Variants in SPMIP2 observed in about 807,000 individuals in gnomAD.
SPMIP2 encodes the protein protein SPMIP2.
At chr4:158,915,075 G>A in the SPMIP2 span, 2 of 1,077,626 alleles carry the variant, frequency 1.9e-6, no homozygotes, top group Non-Finnish European at 2.6e-6. Flanking sequence ...CTACAAAACT[G>A]ATTATTAGTA....
the SPMIP2 span, among the ~76,000 whole-genome samples, chr4:158,930,205 C>CTG: frequency 1.0e-5 from 1 of 96,956 alleles, no homozygotes; most frequent in Non-Finnish European, 2.0e-5. Context: ...CTCTCTCTCT[C>CTG]TCTCTCTCTC....
At chr4:158,953,970 C>T in the SPMIP2 span, among the ~76,000 whole-genome samples, 1 of 152,204 alleles carries the variant, frequency 6.6e-6, no homozygotes, top group Non-Finnish European at 1.5e-5. Context: ...TTTACAGGCT[C>T]ATAGGCAGAA....
the SPMIP2 span, among the ~76,000 whole-genome samples, chr4:159,034,833 G>T: frequency 6.6e-6 from 1 of 152,088 alleles, no homozygotes; most frequent in Non-Finnish European, 1.5e-5. Flanking sequence ...GGAGGTTGCA[G>T]TGAGCCGAGA....
the SPMIP2 span, among the ~76,000 whole-genome samples, chr4:158,987,575 A>G: frequency 6.6e-6 from 1 of 152,126 alleles, no homozygotes; most frequent in Non-Finnish European, 1.5e-5. Context: ...TGGGAATTGA[A>G]CAATGAGAAC....
At chr4:158,923,812 G>GT in the SPMIP2 span, among the ~76,000 whole-genome samples, 1 of 151,660 alleles carries the variant, frequency 6.6e-6, no homozygotes, top group Non-Finnish European at 1.5e-5. Flanking sequence ...AACACATGCA[G>GT]TTTTTTACCA....
the SPMIP2 span, among the ~76,000 whole-genome samples, chr4:159,025,510 A>C: frequency 6.6e-6 from 1 of 152,146 alleles, no homozygotes; most frequent in Non-Finnish European, 1.5e-5. Flanking sequence ...TAATTTCCAC[A>C]TTAAAGTTTT....
the SPMIP2 span, among the ~76,000 whole-genome samples, chr4:158,909,756 T>A: frequency 1.3e-5 from 2 of 151,694 alleles, no homozygotes; most frequent in South Asian, 2.1e-4. Flanking sequence ...TTAAAAAAAA[T>A]TTGGGGCTGG....
the SPMIP2 span, among the ~76,000 whole-genome samples, chr4:158,941,599 C>T: frequency 2.6e-5 from 4 of 152,304 alleles, no homozygotes; most frequent in East Asian, 7.7e-4. Flanking sequence ...TTCAAGGCTG[C>T]TGTGAGCTAT....
the SPMIP2 span, among the ~76,000 whole-genome samples, chr4:159,068,295 T>G: frequency 6.6e-6 from 1 of 152,082 alleles, no homozygotes; most frequent in African/African-American, 2.4e-5. Flanking sequence ...ATTCAGAAAA[T>G]GTGGCACATA....
chr4:158,945,375 G>A, the SPMIP2 span, among the ~76,000 whole-genome samples: 1 of 152,170 alleles, frequency 6.6e-6, no homozygotes, highest in Admixed American at 6.5e-5. Context: ...TACACGAGGA[G>A]CAGTTTGATG....
At chr4:159,079,036 T>G in the SPMIP2 span, among the ~76,000 whole-genome samples, 3 of 152,096 alleles carry the variant, frequency 2.0e-5, no homozygotes, top group Non-Finnish European at 4.4e-5. Flanking sequence ...GAGAATCACT[T>G]GAACCTGGGA....
At chr4:158,903,190 C>T in the SPMIP2 span, among the ~76,000 whole-genome samples, 1 of 152,150 alleles carries the variant, frequency 6.6e-6, no homozygotes, top group Admixed American at 6.5e-5. Flanking sequence ...GACTGCAGTG[C>T]AGATATTGAG....
At chr4:158,900,547 T>C in the SPMIP2 span, among the ~76,000 whole-genome samples, 1 of 152,190 alleles carries the variant, frequency 6.6e-6, no homozygotes, top group South Asian at 2.1e-4. Flanking sequence ...AGATTTAGGA[T>C]AGTTAGCTCT....
chr4:158,927,724 G>A, the SPMIP2 span, among the ~76,000 whole-genome samples: 17 of 152,362 alleles, frequency 1.1e-4, no homozygotes, highest in South Asian at 2.1e-4. Flanking sequence ...GTGGGAACCC[G>A]GGCTGCGCAA....
chr4:158,962,044 C>T, the SPMIP2 span, among the ~76,000 whole-genome samples: 2 of 152,056 alleles, frequency 1.3e-5, no homozygotes, highest in Non-Finnish European at 2.9e-5. Context: ...ATTACAACTC[C>T]AATTTGGATA....
chr4:159,020,682 C>T, the SPMIP2 span, among the ~76,000 whole-genome samples: 1 of 152,148 alleles, frequency 6.6e-6, no homozygotes, highest in African/African-American at 2.4e-5. Flanking sequence ...TTCTTAAGGC[C>T]ACAATCACAG....
the SPMIP2 span, among the ~76,000 whole-genome samples, chr4:158,985,401 C>T: frequency 3.0e-4 from 45 of 148,938 alleles, no homozygotes; most frequent in East Asian, 5.9e-4. Flanking sequence ...ACTGGCAAAC[C>T]GAATCCAGCA....
the SPMIP2 span, among the ~76,000 whole-genome samples, chr4:159,072,657 T>C: frequency 1.3e-5 from 2 of 151,984 alleles, no homozygotes; most frequent in Non-Finnish European, 2.9e-5. Context: ...GAGATGGGGT[T>C]TCGCCATATT....
the SPMIP2 span, among the ~76,000 whole-genome samples, chr4:159,045,113 A>T: frequency 1.3e-5 from 2 of 152,142 alleles, no homozygotes; most frequent in African/African-American, 4.8e-5. Context: ...AAAAAAAAGA[A>T]GTTATAGCTG....
Sources: gnomAD v4.1 joint callset for allele counts (sites outside exome capture counted in the v4.1 genomes callset) on GRCh38, gnomAD v4.1.1 for gene constraint, MANE v1.5 for transcripts, NCBI Gene and HGNC (gene_info 2026-07-23, HGNC 2026-07-21) for gene names.